The following RNGTT variants were observed in gnomAD, a reference collection of about 807,000 sequenced individuals.
RNGTT encodes RNA guanylyltransferase and 5'-phosphatase, also known as mRNA-capping enzyme.
A neutral mutation model predicts 79.3 loss-of-function variants in RNGTT; 33 were observed. The observed-to-expected ratio is 0.42, with a 90% confidence interval of 0.32 to 0.56. The LOEUF is 0.56. Among genes scored for constraint, RNGTT ranks in the 20% least tolerant of loss-of-function variants. RNGTT has a pLI of 0.17. For synonymous variants in RNGTT, 222 were observed against 235.9 expected (o/e 0.94, Z 0.54); for missense variants, 497 against 739.1 (o/e 0.67, Z 3.80).
chr6:88,711,828 G>A (rs1202682754), intron 13 of RNGTT, among the ~76,000 whole-genome samples: 2 of 152,164 alleles, frequency 1.3e-5, no homozygotes, highest in African/African-American at 4.8e-5. Context: ...CACCTATTGT[G>A]TGGTAGGCAC....
chr6:88,652,728 T>C (rs941484843), intron 14 of RNGTT, among the ~76,000 whole-genome samples: 1 of 152,290 alleles, frequency 6.6e-6, no homozygotes, highest in African/African-American at 2.4e-5. Context: ...ACAATGTGCA[T>C]GTTGTAAGAA....
chr6:88,619,209 A>G (rs962159055), intron 14 of RNGTT, among the ~76,000 whole-genome samples: 1 of 150,998 alleles, frequency 6.6e-6, no homozygotes, highest in Non-Finnish European at 1.5e-5. Context: ...TCTGTCACCC[A>G]GGTTGGAGTG....
intron 14 of RNGTT, among the ~76,000 whole-genome samples, chr6:88,621,157 T>C (rs573762179): frequency 1.2e-3 from 190 of 152,322 alleles, no homozygotes; most frequent in African/African-American, 4.4e-3. Context: ...TCATCCTTTC[T>C]GATCCTATCT....
intron 7 of RNGTT, among the ~76,000 whole-genome samples, chr6:88,890,870 T>C (rs977954816): frequency 2.0e-5 from 3 of 152,176 alleles, no homozygotes; most frequent in African/African-American, 4.8e-5. Context: ...ATGATCTAAA[T>C]AGTAAAGCAG....
At chr6:88,868,780 G>T (rs1052535515) in intron 8 of RNGTT, among the ~76,000 whole-genome samples, 7 of 152,152 alleles carry the variant, frequency 4.6e-5, no homozygotes, top group Non-Finnish European at 1.0e-4. Context: ...AGCTCTGAGT[G>T]TGTAGTCAAA....
At chr6:88,654,889 C>T (rs1773920885) in intron 14 of RNGTT, among the ~76,000 whole-genome samples, 1 of 152,164 alleles carries the variant, frequency 6.6e-6, no homozygotes, top group Non-Finnish European at 1.5e-5. Context: ...AATGGCATCA[C>T]ACATATTTTG....
chr6:88,728,990 T>A (rs1309007895), intron 13 of RNGTT, among the ~76,000 whole-genome samples: 1 of 152,152 alleles, frequency 6.6e-6, no homozygotes, highest in Admixed American at 6.5e-5. Flanking sequence ...ACTAGGGTGG[T>A]CCTCCAGTCG....
intron 8 of RNGTT, among the ~76,000 whole-genome samples, chr6:88,873,738 C>T (rs1034423981): frequency 6.6e-6 from 1 of 151,828 alleles, no homozygotes; most frequent in Non-Finnish European, 1.5e-5. Flanking sequence ...TGGGGAAACA[C>T]ATTTTTAAGA....
intron 6 of RNGTT, among the ~76,000 whole-genome samples, chr6:88,893,188 T>C (rs1476323610): frequency 6.6e-6 from 1 of 152,162 alleles, no homozygotes; most frequent in African/African-American, 2.4e-5. Context: ...TATTTACTTA[T>C]TGAGTGCTCA....
chr6:88,955,059 G>GA (rs1218839766), intron 1 of RNGTT, among the ~76,000 whole-genome samples: 14 of 151,328 alleles, frequency 9.3e-5, no homozygotes, highest in African/African-American at 2.7e-4. Context: ...CTCCATCTCA[G>GA]AAAAAATAAA....
At chr6:88,749,125 TA>T (rs1379666221) in intron 13 of RNGTT, among the ~76,000 whole-genome samples, 1 of 152,032 alleles carries the variant, frequency 6.6e-6, no homozygotes, top group Non-Finnish European at 1.5e-5. Flanking sequence ...TAGGATAGAA[TA>T]AAGACTGTCA....
At chr6:88,643,541 G>A (rs57988674) in intron 14 of RNGTT, among the ~76,000 whole-genome samples, 17,659 of 152,130 alleles carry the variant, frequency 0.12, 3,448 homozygotes, top group African/African-American at 0.4. Context: ...CAAATCAACA[G>A]AATATACATT....
chr6:88,721,958 G>A (rs913282355), intron 13 of RNGTT, among the ~76,000 whole-genome samples: 2 of 151,632 alleles, frequency 1.3e-5, no homozygotes, highest in South Asian at 2.1e-4. Flanking sequence ...ATTAGACTTA[G>A]GAACAACTAA....
intron 2 of RNGTT, among the ~76,000 whole-genome samples, chr6:88,934,951 T>C (rs906030341): frequency 2.6e-5 from 4 of 152,206 alleles, no homozygotes; most frequent in Non-Finnish European, 4.4e-5. Context: ...CATTTGTCTA[T>C]TGTTGTTTGA....
At chr6:88,637,847 T>C (rs1265543783) in intron 14 of RNGTT, among the ~76,000 whole-genome samples, 6 of 152,134 alleles carry the variant, frequency 3.9e-5, no homozygotes, top group Non-Finnish European at 8.8e-5. Flanking sequence ...GGTATTGTGC[T>C]AGGTGCTTTA....
chr6:88,708,852 C>T (rs761863466), intron 13 of RNGTT, among the ~76,000 whole-genome samples: 1 of 152,066 alleles, frequency 6.6e-6, no homozygotes, highest in Non-Finnish European at 1.5e-5. Flanking sequence ...ACAATACAAC[C>T]ATGCAGGCAA....
chr6:88,640,660 G>A (rs1773280443), intron 14 of RNGTT, among the ~76,000 whole-genome samples: 1 of 152,026 alleles, frequency 6.6e-6, no homozygotes. Flanking sequence ...ATTCAAAACT[G>A]AGGTTTTAAA....
intron 4 of RNGTT, among the ~76,000 whole-genome samples, chr6:88,913,353 T>C (rs1783898296): frequency 6.6e-6 from 1 of 151,656 alleles, no homozygotes; most frequent in Non-Finnish European, 1.5e-5. Flanking sequence ...CCTTCCTAAC[T>C]CATTCTACAA....
chr6:88,931,338 T>C (rs1222230183), intron 2 of RNGTT, among the ~76,000 whole-genome samples: 1 of 152,148 alleles, frequency 6.6e-6, no homozygotes, highest in Non-Finnish European at 1.5e-5. Flanking sequence ...CAGCAATCTG[T>C]ATTTTTAGTT....
Sources: allele counts gnomAD v4.1 joint callset (sites outside exome capture counted in the v4.1 genomes callset), GRCh38; gene constraint gnomAD v4.1.1; transcripts MANE v1.5; gene names NCBI Gene and HGNC (gene_info 2026-07-23, HGNC 2026-07-21).